Variants in ERC2 observed in about 807,000 individuals in gnomAD.
The protein encoded by ERC2 is ERC protein 2.
Under a neutral mutation model 114.8 loss-of-function variants are expected in ERC2, and 42 were observed. That is an observed-to-expected ratio of 0.37 (90% CI 0.29 to 0.47). The LOEUF is 0.47. ERC2 is among the 20% of genes least tolerant of loss of function. The pLI is 0.99. For missense variants in ERC2, 939 were observed against 1,150.7 expected, an observed-to-expected ratio of 0.82 and a Z score of 2.66; for synonymous variants, 454 against 425.5, an observed-to-expected ratio of 1.07 and a Z score of -0.82.
chr3:56,434,802 C>T lies in ERC2; in HGVS notation c.206G>A (p.Gly69Glu), dbSNP rs1039715415. The T allele has an allele frequency of 6.2e-7, 1 of 1,613,798 alleles. No homozygotes were observed. The highest frequency in any genetic ancestry group is 8.5e-7 in the Non-Finnish European group (1 of 1,179,886). ...CTTTGGGTAGGTTGTTGAAGCCACC[C>T]CTTCATGATCACTCAGATACATGGG... Reference protein sequence around the residue: ...SGPMYLSDHEGVASTTYPKGT... With the variant: ...SGPMYLSDHEEVASTTYPKGT... The change falls in exon 2 of 18, where the codon GGG (glycine) becomes GAG (glutamate). Residue 69 changes from glycine (G) to glutamate (E), a missense_variant. Physicochemically the swap from Gly to Glu is moderately conservative, Grantham distance 98. Around this residue, in one of 5 missense-constraint regions of ERC2, gnomAD observed 281 missense variants for 307.4 expected, o/e 0.91. Coordinates refer to ENST00000288221, the MANE Select transcript of ERC2 (RefSeq NM_015576.3).
intron 2 of ERC2, among the ~76,000 whole-genome samples, chr3:56,408,689 A>G (rs924643418): frequency 6.6e-6 from 1 of 152,230 alleles, no homozygotes; most frequent in African/African-American, 2.4e-5. Flanking sequence ...AAGCAAAGAC[A>G]TTGCAATAAG....
intron 17 of ERC2, among the ~76,000 whole-genome samples, chr3:55,527,163 C>T (rs1331046288): frequency 1.3e-5 from 2 of 152,200 alleles, no homozygotes; most frequent in Non-Finnish European, 2.9e-5. Flanking sequence ...TGAGTCCAAT[C>T]GTGGCTTAGC....
chr3:55,644,219 C>A (rs1001310702), intron 17 of ERC2, among the ~76,000 whole-genome samples: 1 of 152,082 alleles, frequency 6.6e-6, no homozygotes, highest in Non-Finnish European at 1.5e-5. Context: ...TAATAATAGT[C>A]GCACTCTCTT....
At chr3:55,586,435 G>A (rs184178541) in intron 17 of ERC2, among the ~76,000 whole-genome samples, 17 of 152,234 alleles carry the variant, frequency 1.1e-4, no homozygotes, top group Non-Finnish European at 2.2e-4. Context: ...GCATCTTACC[G>A]GATATTTCCC....
intron 13 of ERC2, among the ~76,000 whole-genome samples, chr3:55,922,198 G>A (rs1160721367): frequency 6.6e-6 from 1 of 151,784 alleles, no homozygotes; most frequent in Non-Finnish European, 1.5e-5. Context: ...TTTATTACTG[G>A]GAGCAAGGTA....
intron 3 of ERC2, among the ~76,000 whole-genome samples, chr3:56,293,896 G>A (rs1335476217): frequency 6.6e-6 from 1 of 152,182 alleles, no homozygotes; most frequent in Non-Finnish European, 1.5e-5. Context: ...TGCTATCAAT[G>A]AGCAGAATCT....
intron 3 of ERC2, among the ~76,000 whole-genome samples, chr3:56,284,162 G>C (rs746488569): frequency 5.3e-5 from 8 of 152,166 alleles, no homozygotes; most frequent in Non-Finnish European, 1.2e-4. Flanking sequence ...GAGTGGTGTA[G>C]GTGAACAAAA....
At chr3:56,189,881 A>G (rs2150066554) in intron 3 of ERC2, among the ~76,000 whole-genome samples, 1 of 152,340 alleles carries the variant, frequency 6.6e-6, no homozygotes, top group Non-Finnish European at 1.5e-5. Flanking sequence ...GGAATATTTT[A>G]TGGCATTTGC....
intron 17 of ERC2, among the ~76,000 whole-genome samples, chr3:55,636,975 GC>G (rs1199057919): frequency 6.6e-6 from 1 of 152,204 alleles, no homozygotes; most frequent in Admixed American, 6.5e-5. Context: ...CATTCACTGT[GC>G]CCTGTCACAC....
At chr3:56,321,730 A>C (rs2057136489) in intron 2 of ERC2, among the ~76,000 whole-genome samples, 1 of 152,208 alleles carries the variant, frequency 6.6e-6, no homozygotes, top group South Asian at 2.1e-4. Context: ...AACTCAAGTT[A>C]AGTTTTTCCT....
At chr3:56,064,448 T>C (rs1325861312) in intron 7 of ERC2, among the ~76,000 whole-genome samples, 1 of 152,210 alleles carries the variant, frequency 6.6e-6, no homozygotes, top group African/African-American at 2.4e-5. Context: ...CTTATTTTAA[T>C]AACTAAAGAA....
At position 55,808,742 on chromosome 3, in the gene ERC2, T is replaced by TATATAA. The variant is rs1455596885; in HGVS notation, c.2565-73825_2565-73824insTTATAT. Among the ~76,000 whole-genome samples the TATATAA allele has an allele frequency of 1.8e-3, 183 of 100,328 alleles. 3 individuals are homozygous for TATATAA. The highest frequency in any genetic ancestry group is 5.8e-3 in the African/African-American group (132 of 22,848). The allele number at this position is 100,328 out of a possible 152,430, so 65.8% of individuals were successfully genotyped here. A position where few individuals can be genotyped will look rare whatever the true frequency, so the allele number is the denominator to read the frequency against. On this transcript the variant is annotated intron_variant, in intron 14 of 17. Transcript: ENST00000288221. Reference sequence around the variant, plus strand: ...ATATATATATATATATATATATATATAACGTATAACTAAACATATATATAT... The same window carrying TATATAA: ...ATATATATATATATATATATATATATATATAAAACGTATAACTAAACATATATATAT...
At chr3:56,419,626 A>T (rs930613689) in intron 2 of ERC2, among the ~76,000 whole-genome samples, 1 of 152,248 alleles carries the variant, frequency 6.6e-6, no homozygotes, top group Non-Finnish European at 1.5e-5. Context: ...AAATGAAGAC[A>T]TGTCTCATAT....
At chr3:55,872,704 G>T (rs1021598358) in intron 14 of ERC2, among the ~76,000 whole-genome samples, 5 of 152,168 alleles carry the variant, frequency 3.3e-5, no homozygotes, top group Non-Finnish European at 7.3e-5. Context: ...ACCACCAAAG[G>T]CTGAATAGTG....
At chr3:55,945,708 T>G (rs555276219) in intron 13 of ERC2, among the ~76,000 whole-genome samples, 1 of 152,316 alleles carries the variant, frequency 6.6e-6, no homozygotes, top group Non-Finnish European at 1.5e-5. Flanking sequence ...TTCTAGCTTT[T>G]TTTTTTAGAA....
At chr3:55,568,335 T>G (rs2056501825) in intron 17 of ERC2, among the ~76,000 whole-genome samples, 1 of 152,178 alleles carries the variant, frequency 6.6e-6, no homozygotes, top group Non-Finnish European at 1.5e-5. Flanking sequence ...CTCAGAGTGA[T>G]GAGGAGGTAG....
chr3:55,621,576 A>G (rs1213422233), intron 17 of ERC2, among the ~76,000 whole-genome samples: 1 of 152,232 alleles, frequency 6.6e-6, no homozygotes, highest in Non-Finnish European at 1.5e-5. Context: ...AGAAACACTC[A>G]GGCTGGCTGG....
At chr3:56,030,935 C>A (rs138387005) in intron 7 of ERC2, among the ~76,000 whole-genome samples, 33 of 152,286 alleles carry the variant, frequency 2.2e-4, no homozygotes, top group African/African-American at 6.5e-4. Context: ...GTGAAATGAG[C>A]ACCTGACTTT....
chr3:55,934,862 T>C (rs1405409018), intron 13 of ERC2, among the ~76,000 whole-genome samples: 6 of 152,238 alleles, frequency 3.9e-5, no homozygotes, highest in Non-Finnish European at 7.3e-5. Context: ...CAGTATATTA[T>C]TTATATGATG....
Sources: allele counts gnomAD v4.1 joint callset (sites outside exome capture counted in the v4.1 genomes callset), GRCh38; gene constraint gnomAD v4.1.1; regional missense constraint gnomAD v4.1.1; transcripts MANE v1.5; gene names NCBI Gene and HGNC (gene_info 2026-07-23, HGNC 2026-07-21).